ZNF544: variants seen among roughly 807,000 people sequenced by gnomAD.
The protein encoded by ZNF544 is zinc finger protein AF020591.
A neutral mutation model predicts 13.5 loss-of-function variants in ZNF544; 10 were observed. The ratio of observed to expected loss-of-function variants is 0.74; its 90% CI spans 0.46 to 1.25. ZNF544 has a LOEUF of 1.25. ZNF544 is among the 50% of genes most tolerant of loss of function. The pLI is 0.00. For synonymous variants in ZNF544, 323 were observed against 300.5 expected (o/e 1.07, Z -0.77); for missense variants, 896 against 845.6 (o/e 1.06, Z -0.74).
downstream of ZNF544, among the ~76,000 whole-genome samples, chr19:58,268,213 C>T (rs1181853354): frequency 3.3e-5 from 5 of 151,846 alleles, no homozygotes; most frequent in Non-Finnish European, 7.4e-5. Flanking sequence ...GCAGGAGAAT[C>T]GCTTGAACCT....
chr19:58,243,858 C>A, intron 3 of ZNF544, 107 bp from the exon 4 acceptor site: 2 of 874,136 alleles, frequency 2.3e-6, no homozygotes, highest in South Asian at 4.4e-5. Flanking sequence ...CATTCCCGCA[C>A]CTGGGAAGCC....
At chr19:58,239,243 C>T (rs999143144) in intron 3 of ZNF544, among the ~76,000 whole-genome samples, 1 of 152,156 alleles carries the variant, frequency 6.6e-6, no homozygotes, top group African/African-American at 2.4e-5. Flanking sequence ...GCCAGATCAT[C>T]CTCTAGGGCT....
chr19:58,270,838 A>G (rs1257308674), intron 5 of ZNF544, among the ~76,000 whole-genome samples: 1 of 152,220 alleles, frequency 6.6e-6, no homozygotes, highest in African/African-American at 2.4e-5. Context: ...TGAAAATTAA[A>G]GCTTGAAATG....
chr19:58,233,947 A>G (rs1179417470), intron 3 of ZNF544, among the ~76,000 whole-genome samples: 2 of 152,234 alleles, frequency 1.3e-5, no homozygotes, highest in Admixed American at 1.3e-4. Flanking sequence ...GAATCTAGAA[A>G]GAGATGTCAT....
chr19:58,245,624 T>C (rs2045019680), intron 4 of ZNF544, among the ~76,000 whole-genome samples: 1 of 152,240 alleles, frequency 6.6e-6, no homozygotes, highest in African/African-American at 2.4e-5. Context: ...ACAGTCACTT[T>C]GGGAGTTAGG....
intron 6 of ZNF544, chr19:58,251,493 T>C (rs77251352): frequency 2.4e-6 from 1 of 424,684 alleles, no homozygotes; most frequent in Non-Finnish European, 4.8e-6. Context: ...ATTGTAATTA[T>C]TGAGCAGGTG....
At chr19:58,265,546 C>T (rs577824685), downstream of ZNF544, among the ~76,000 whole-genome samples, 31 of 152,108 alleles carry the variant, frequency 2.0e-4, no homozygotes, top group South Asian at 6.2e-4. Context: ...CCGCCCACCT[C>T]GGCCTCCCAA....
chr19:58,273,443 C>T (rs2050888475), intron 5 of ZNF544, among the ~76,000 whole-genome samples: 1 of 152,120 alleles, frequency 6.6e-6, no homozygotes, highest in Admixed American at 6.5e-5. Flanking sequence ...GTAATCCCAG[C>T]ACTTTGGGAG....
chr19:58,236,711 C>T (rs1298289714), intron 3 of ZNF544, among the ~76,000 whole-genome samples: 2 of 151,424 alleles, frequency 1.3e-5, no homozygotes, highest in East Asian at 3.9e-4. Context: ...CATTTTTAAG[C>T]CTCCATTTGT....
intron 5 of ZNF544, among the ~76,000 whole-genome samples, chr19:58,273,962 ATT>A (rs1407257968): frequency 6.6e-6 from 1 of 151,542 alleles, no homozygotes; most frequent in Admixed American, 6.6e-5. Flanking sequence ...CACCCGGCTA[ATT>A]TTTGTATTTT....
chr19:58,263,340 A>C lies in ZNF544; in HGVS notation c.*586A>C, dbSNP rs1488650714. The C allele has an allele frequency of 2.3e-6, 2 of 860,352 alleles. No individual in the cohort carries two copies. Among genetic ancestry groups the C allele is most frequent in the East Asian group, 2.4e-4 (2 of 8,214 alleles). 53.3% of individuals were successfully genotyped at this position (860,352 alleles called of 1,614,324 possible). ...GCCTAGCATGGTGGCGCATACCTGT[A>C]GTCCTAGCTACTCAGGAGGCTGAGG... On this transcript the variant is annotated 3_prime_UTR_variant, in exon 7 of 7. Coordinates refer to ENST00000687789, the MANE Select transcript of ZNF544 (RefSeq NM_014480.4).
intron 3 of ZNF544, among the ~76,000 whole-genome samples, chr19:58,237,674 C>A (rs546833595): frequency 3.9e-4 from 60 of 152,300 alleles, no homozygotes; most frequent in African/African-American, 1.4e-3. Context: ...TGCTTTTTAT[C>A]TTCCCTGTCT....
chr19:58,269,839 T>G (rs1282873378), intron 5 of ZNF544, among the ~76,000 whole-genome samples: 1 of 152,072 alleles, frequency 6.6e-6, no homozygotes. Flanking sequence ...GAGTATCACT[T>G]GAACCTGGGA....
At chr19:58,259,566 A>G (rs1433114438) in intron 6 of ZNF544, 1 of 152,202 alleles carries the variant, frequency 6.6e-6, no homozygotes, top group African/African-American at 2.4e-5. Flanking sequence ...GGATGCTCCA[A>G]ATGGAAAACA....
chr19:58,262,848 G>T lies in ZNF544; in HGVS notation c.*94G>T. 6.6e-7 allele frequency: 1 copy of T among 1,507,578 alleles called. No homozygotes were observed. 93.4% of individuals were successfully genotyped at this position (1,507,578 alleles called of 1,614,324 possible). On this transcript the variant is annotated 3_prime_UTR_variant, in exon 7 of 7. Coordinates refer to ENST00000687789, the MANE Select transcript of ZNF544 (RefSeq NM_014480.4). ...CGGTGGGAAGAGCTATCAGTGTGAC[G>T]TGTATTAAGCCAGCGGTTGTGACTC...
intron 4 of ZNF544, among the ~76,000 whole-genome samples, chr19:58,244,666 C>T (rs1034733938): frequency 4.0e-5 from 6 of 151,756 alleles, no homozygotes; most frequent in African/African-American, 7.3e-5. Context: ...GCCTTGAACT[C>T]CTGGGCTCAA....
chr19:58,245,255 G>T (rs2044864984), intron 4 of ZNF544, among the ~76,000 whole-genome samples: 1 of 149,704 alleles, frequency 6.7e-6, no homozygotes, highest in African/African-American at 2.5e-5. Flanking sequence ...TCACCTTCTT[G>T]AACAGTTCTT....
chr19:58,233,982 A>G (rs1362510499), intron 3 of ZNF544, among the ~76,000 whole-genome samples: 25 of 152,132 alleles, frequency 1.6e-4, no homozygotes, highest in Non-Finnish European at 1.5e-5. Flanking sequence ...TCCCAATTCT[A>G]TTGCATAACT....
intron 5 of ZNF544, among the ~76,000 whole-genome samples, chr19:58,273,414 G>A (rs2050880337): frequency 1.3e-5 from 2 of 152,126 alleles, no homozygotes; most frequent in Admixed American, 1.3e-4. Flanking sequence ...GCCTAGGCCG[G>A]GAACGATGGC....
Sources: allele counts gnomAD v4.1 joint callset (sites outside exome capture counted in the v4.1 genomes callset), GRCh38; gene constraint gnomAD v4.1.1; transcripts MANE v1.5; gene names NCBI Gene and HGNC (gene_info 2026-07-23, HGNC 2026-07-21).